ANKEF1: variants seen among roughly 807,000 people sequenced by gnomAD.
The protein encoded by ANKEF1 is ankyrin repeat and EF-hand domain-containing protein 1.
Under a neutral mutation model 65.1 loss-of-function variants are expected in ANKEF1, and 43 were observed. The ratio of observed to expected loss-of-function variants is 0.66; its 90% CI spans 0.52 to 0.85. The LOEUF is 0.85. Among genes scored for constraint, ANKEF1 ranks in the 40% least tolerant of loss-of-function variants. The pLI is 0.00. For synonymous variants in ANKEF1, 316 were observed against 341.5 expected, an observed-to-expected ratio of 0.93 and a Z score of 0.82; for missense variants, 934 against 952.9, an observed-to-expected ratio of 0.98 and a Z score of 0.26.
At chr20:10,043,537 A>G (rs1388628340) in intron 4 of ANKEF1, among the ~76,000 whole-genome samples, 9 of 152,062 alleles carry the variant, frequency 5.9e-5, no homozygotes, top group Non-Finnish European at 5.9e-5. Context: ...TATTATGCAT[A>G]ATGTCAAGGT....
At chr20:10,044,160 C>T (rs2122238073) in intron 4 of ANKEF1, among the ~76,000 whole-genome samples, 2 of 152,280 alleles carry the variant, frequency 1.3e-5, no homozygotes, top group East Asian at 1.9e-4. Context: ...GATATTCTCA[C>T]AGGGGCATGC....
rs140014154 is a variant in ANKEF1, at chr20:10,056,493, AGAT to A, written c.*837_*839del. On this transcript the variant is annotated 3_prime_UTR_variant, in exon 11 of 11. Coordinates refer to ENST00000378392, the MANE Select transcript of ANKEF1 (RefSeq NM_022096.6). ...ATAGATAGATGATAGATAGATAGAT[AGAT>A]GATAGATAGATAGATAGATAGATAG... The A allele has an allele frequency of 4.7e-4, 44 of 93,064 alleles. No homozygotes were observed. Among genetic ancestry groups the A allele is most frequent in the South Asian group, 3.5e-3 (9 of 2,582 alleles). The allele number at this position is 93,064 out of a possible 1,614,324, so 5.8% of individuals were successfully genotyped here.
chr20:10,049,689 C>T lies in ANKEF1; in HGVS notation c.1120C>T (p.Gln374Ter), dbSNP rs1394135209. Residue 374 changes from glutamine (Q) to a stop codon, truncating the protein, a stop_gained, in exon 7 of 11, where the codon CAG (glutamine) becomes TAG (stop). Transcript: ENST00000378392. LOFTEE classifies it high-confidence loss of function. ...EERQDYASSE[Q>*]LAAIAHLHEK... ...AAGGCAGGATTATGCAAGCTCAGAA[C>T]AGCTGGCTGCCATCGCTCACCTTCA... is the stretch of plus-strand genomic sequence containing the variant. The T allele has an allele frequency of 6.2e-7, 1 of 1,614,010 alleles. No individual in the cohort carries two copies. Among genetic ancestry groups the T allele is most frequent in the East Asian group, 2.2e-5 (1 of 44,886 alleles).
intron 2 of ANKEF1, among the ~76,000 whole-genome samples, chr20:10,036,596 C>T (rs1005681412): frequency 1.4e-4 from 22 of 152,174 alleles, no homozygotes; most frequent in African/African-American, 5.3e-4. Flanking sequence ...AGTCCCAACA[C>T]TTTGGGAGGC....
Position 10,048,241 on chromosome 20 carries a change from T to G in ANKEF1, c.821-1149T>G, listed in dbSNP as rs554214137. ...AAAATGTGTGTGTGTGTGTGTGTGT[T>G]TGTGTAGTAAAATAGATTTATTTTT... is the stretch of plus-strand genomic sequence containing the variant. On this transcript the variant is annotated intron_variant, in intron 6 of 10. Coordinates refer to ENST00000378392, the MANE Select transcript of ANKEF1 (RefSeq NM_022096.6). Among the ~76,000 whole-genome samples, 29 of 144,014 alleles carry G rather than the reference T, an allele frequency of 2.0e-4. No individual in the cohort carries two copies. The South Asian group carries it at 3.6e-3, about 18-fold the overall frequency. 94.5% of individuals were successfully genotyped at this position (144,014 alleles called of 152,430 possible).
At chr20:10,053,710 C>G (rs765899436) in intron 9 of ANKEF1, among the ~76,000 whole-genome samples, 8 of 152,168 alleles carry the variant, frequency 5.3e-5, no homozygotes, top group Non-Finnish European at 1.0e-4. Flanking sequence ...TTGCCCACCA[C>G]TTCCCCTTCC....
intron 5 of ANKEF1, 137 bp from the exon 6 acceptor site, chr20:10,045,437 G>T: frequency 1.1e-6 from 1 of 869,832 alleles, no homozygotes; most frequent in Non-Finnish European, 1.7e-6. Flanking sequence ...TTTCAGTTTA[G>T]TTCATTTCAA....
intron 3 of ANKEF1, among the ~76,000 whole-genome samples, chr20:10,042,279 A>G (rs1426062503): frequency 6.6e-6 from 1 of 152,136 alleles, no homozygotes; most frequent in Non-Finnish European, 1.5e-5. Context: ...CTTTTCTAGT[A>G]TGTATCCTTT....
chr20:10,038,750 T>C (rs1984014317), intron 3 of ANKEF1, 103 bp downstream of exon 3: 2 of 928,506 alleles, frequency 2.2e-6, no homozygotes, highest in Non-Finnish European at 3.2e-6. Context: ...GTGAATTACT[T>C]ATGGTTTTAA....
intron 10 of ANKEF1, among the ~76,000 whole-genome samples, chr20:10,054,865 A>G (rs1985057230): frequency 6.6e-6 from 1 of 152,188 alleles, no homozygotes; most frequent in Admixed American, 6.5e-5. Context: ...AATCAATGGC[A>G]TGATCTGCAG....
In ANKEF1 at chr20:10,054,465, C is replaced by G; in HGVS notation, c.2038C>G (p.Leu680Val). ...ATTTTTTTGTTCTTGTTTCCAGGAA[C>G]TGCTGTCATCAATTTATGGTGTACC... ...EGPEIKKEEE[L>V]LSSIYGVPTT... Residue 680 changes from leucine (L) to valine (V), a missense_variant, in exon 10 of 11, where the codon CTG (leucine) becomes GTG (valine). By Grantham distance (32) the Leu-to-Val change is conservative (BLOSUM62 1). Transcript: ENST00000378392. The G allele has an allele frequency of 6.5e-7, 1 of 1,543,832 alleles. No individual in the cohort carries two copies.
chr20:10,047,019 T>C (rs1984558925), intron 6 of ANKEF1, among the ~76,000 whole-genome samples: 1 of 152,256 alleles, frequency 6.6e-6, no homozygotes, highest in Admixed American at 6.5e-5. Flanking sequence ...TATTAGCAGT[T>C]TATTCTGACA....
At chr20:10,042,961 G>GT (rs1568511063) in intron 3 of ANKEF1, among the ~76,000 whole-genome samples, 161 bp from the exon 4 acceptor site, 1 of 152,146 alleles carries the variant, frequency 6.6e-6, no homozygotes, top group East Asian at 1.9e-4. Flanking sequence ...AAGATTTTTT[G>GT]TTTTTTGTTT....
At chr20:10,037,440 C>T (rs1983926833) in intron 2 of ANKEF1, among the ~76,000 whole-genome samples, 1 of 152,194 alleles carries the variant, frequency 6.6e-6, no homozygotes, top group African/African-American at 2.4e-5. Flanking sequence ...CTTTTATGCA[C>T]ATATGCTTGA....
chr20:10,049,307 TAAG>T (rs1274193802), intron 6 of ANKEF1, 80 bp from the exon 7 acceptor site: 4 of 1,308,680 alleles, frequency 3.1e-6, no homozygotes, highest in Non-Finnish European at 4.2e-6. Context: ...CACGAGAAAT[TAAG>T]AAAACAGTTG....
At chr20:10,054,243 T>G (rs1672420372) in intron 9 of ANKEF1, among the ~76,000 whole-genome samples, 1 of 152,168 alleles carries the variant, frequency 6.6e-6, no homozygotes, top group African/African-American at 2.4e-5. Flanking sequence ...AAGACTTACG[T>G]GATCTTCTAC....
rs1200786689 is a variant in ANKEF1, at chr20:10,035,581, CCATGAAGTGGGCA to C, written c.-104_-92del. On this transcript the variant is annotated 5_prime_UTR_variant, in exon 2 of 11. The change abolishes an upstream ATG in the 5' untranslated region. Transcript: ENST00000378392. Reference sequence around the variant, plus strand: ...TATCTCATTTCCTTTTCACACAGTCCCATGAAGTGGGCACCATTGCTATTGCCAGTTCACAGAT... The same window carrying C: ...TATCTCATTTCCTTTTCACACAGTCCCCATTGCTATTGCCAGTTCACAGAT... 1 of 152,168 alleles carries C rather than the reference CCATGAAGTGGGCA, an allele frequency of 6.6e-6. No individual in the cohort carries two copies. Among genetic ancestry groups the C allele is most frequent in the Admixed American group, 6.5e-5 (1 of 15,278 alleles). The allele number at this position is 152,168 out of a possible 1,614,324, so 9.4% of individuals were successfully genotyped here.
At chr20:10,051,968 C>T (rs1457372283) in intron 8 of ANKEF1, 79 bp downstream of exon 8, 1 of 1,127,882 alleles carries the variant, frequency 8.9e-7, no homozygotes, top group Non-Finnish European at 1.2e-6. Context: ...TGATTCTATT[C>T]TCGTAGGCTT....
rs371916981 is a variant in ANKEF1, at chr20:10,050,165, G to A, written c.1596G>A (p.Ala532=). The A allele has an allele frequency of 2.1e-5, 34 of 1,613,854 alleles. No homozygotes were observed. Among genetic ancestry groups the A allele is most frequent in the East Asian group, 1.6e-4 (7 of 44,892 alleles). The change falls in exon 7 of 11, where the codon GCG becomes GCA. Residue 532 remains alanine, a synonymous_variant. Transcript: ENST00000378392. ...DNYYKTPLMT[A]CASGNIDVVK... Reference sequence around the variant, plus strand: ...ATTACAAAACTCCGCTAATGACGGCGTGTGCAAGTGGAAACATAGATGTGG... The same window carrying A: ...ATTACAAAACTCCGCTAATGACGGCATGTGCAAGTGGAAACATAGATGTGG...
Sources: gnomAD v4.1 joint callset for allele counts (sites outside exome capture counted in the v4.1 genomes callset) on GRCh38, gnomAD v4.1.1 for gene constraint, MANE v1.5 for transcripts, NCBI Gene and HGNC (gene_info 2026-07-23, HGNC 2026-07-21) for gene names.